LEF1: variants seen among roughly 807,000 people sequenced by gnomAD.
LEF1 encodes the protein lymphoid enhancer-binding factor 1.
In LEF1, 14 loss-of-function variants were observed where a neutral mutation model predicts 51.2. The ratio of observed to expected loss-of-function variants is 0.27; its 90% CI spans 0.18 to 0.43. LEF1 has a LOEUF of 0.43. Among genes scored for constraint, LEF1 ranks in the 20% least tolerant of loss-of-function variants. LEF1 has a pLI of 1.00. For synonymous variants in LEF1, 185 were observed against 183.2 expected, an observed-to-expected ratio of 1.01 and a Z score of -0.08; for missense variants, 386 against 512.0, an observed-to-expected ratio of 0.75 and a Z score of 2.37.
At chr4:108,107,869 T>G (rs769437577) in intron 3 of LEF1, among the ~76,000 whole-genome samples, 1 of 151,778 alleles carries the variant, frequency 6.6e-6, no homozygotes, top group African/African-American at 2.4e-5. Flanking sequence ...TACAGGCACA[T>G]AACTCAAAAG....
At chr4:108,061,730 C>T (rs2126263975) in intron 11 of LEF1, among the ~76,000 whole-genome samples, 1 of 152,110 alleles carries the variant, frequency 6.6e-6, no homozygotes, top group South Asian at 2.1e-4. Context: ...TGTCATCAGC[C>T]ATGCTTACAT....
chr4:108,105,663 T>G (rs1741116971), intron 3 of LEF1, among the ~76,000 whole-genome samples: 1 of 152,218 alleles, frequency 6.6e-6, no homozygotes, highest in Non-Finnish European at 1.5e-5. Context: ...AATGAAAATT[T>G]TAAGTCTTCT....
chr4:108,134,481 G>A (rs1183649835), intron 3 of LEF1, among the ~76,000 whole-genome samples: 1 of 152,204 alleles, frequency 6.6e-6, no homozygotes, highest in African/African-American at 2.4e-5. Flanking sequence ...ATAATACAGG[G>A]CACTGGAGGA....
intron 3 of LEF1, among the ~76,000 whole-genome samples, chr4:108,156,133 A>G (rs1049095253): frequency 2.0e-5 from 3 of 152,222 alleles, no homozygotes; most frequent in Non-Finnish European, 4.4e-5. Context: ...TTTCCATCTC[A>G]AGAATCCTTC....
chr4:108,063,328 G>T (rs766529970), intron 11 of LEF1, among the ~76,000 whole-genome samples: 2 of 152,040 alleles, frequency 1.3e-5, no homozygotes, highest in Non-Finnish European at 2.9e-5. Context: ...TAAGCAGGCC[G>T]ATTTGCCACT....
At chr4:108,149,017 T>C (rs920408366) in intron 3 of LEF1, among the ~76,000 whole-genome samples, 11 of 152,202 alleles carry the variant, frequency 7.2e-5, no homozygotes, top group Non-Finnish European at 1.5e-4. Context: ...CAGATCTTAA[T>C]TGTGCAGGAG....
intron 8 of LEF1, chr4:108,071,638 T>C (rs1738479925): frequency 6.6e-6 from 1 of 152,238 alleles, no homozygotes; most frequent in Admixed American, 6.5e-5. Flanking sequence ...CTGCTTTGCA[T>C]ACATCTGCAC....
chr4:108,111,338 T>C (rs2110314886), intron 3 of LEF1, among the ~76,000 whole-genome samples: 1 of 152,288 alleles, frequency 6.6e-6, no homozygotes, highest in East Asian at 1.9e-4. Context: ...GTAGCTAATC[T>C]TTGAAAGCAC....
chr4:108,123,073 C>T (rs1742278539), intron 3 of LEF1, among the ~76,000 whole-genome samples: 1 of 152,110 alleles, frequency 6.6e-6, no homozygotes, highest in Non-Finnish European at 1.5e-5. Flanking sequence ...CTGTAAGTGT[C>T]CATTTCTTTT....
intron 3 of LEF1, among the ~76,000 whole-genome samples, chr4:108,147,519 T>C (rs1744068807): frequency 6.6e-6 from 1 of 152,178 alleles, no homozygotes; most frequent in East Asian, 1.9e-4. Context: ...TTAATCTCCA[T>C]TTTCCTCTAT....
chr4:108,161,874 T>C, intron 3 of LEF1, among the ~76,000 whole-genome samples: 1 of 152,182 alleles, frequency 6.6e-6, no homozygotes, highest in South Asian at 2.1e-4. Context: ...TTATTTGTTA[T>C]TCTGAAAATG....
chr4:108,139,616 G>A lies in LEF1; in HGVS notation c.414+23952C>T, dbSNP rs139005863. On this transcript the variant is annotated intron_variant, in intron 3 of 11. Transcript: ENST00000265165. ...ATTAGCTCAGGAACATGACTCTCTC[G>A]GTAAGGAAAACAAAGAGGAAGCAAA... is the stretch of plus-strand genomic sequence containing the variant. 4.4e-4 allele frequency among the ~76,000 whole-genome samples: 67 copies of A among 152,210 alleles called. No individual in the cohort carries two copies. The East Asian group carries it at 0.011, about 25-fold the overall frequency.
At chr4:108,127,687 C>A (rs1026323826) in intron 3 of LEF1, among the ~76,000 whole-genome samples, 1 of 152,086 alleles carries the variant, frequency 6.6e-6, no homozygotes, top group Non-Finnish European at 1.5e-5. Flanking sequence ...AATAAATTAT[C>A]GTGACTGTAG....
chr4:108,097,938 T>C (rs1432404976), intron 3 of LEF1, among the ~76,000 whole-genome samples: 1 of 152,152 alleles, frequency 6.6e-6, no homozygotes, highest in Non-Finnish European at 1.5e-5. Flanking sequence ...GCTTTCTCTG[T>C]CTACCATCCA....
chr4:108,096,384 G>A (rs920659097), intron 3 of LEF1, among the ~76,000 whole-genome samples: 3 of 152,278 alleles, frequency 2.0e-5, no homozygotes, highest in Non-Finnish European at 2.9e-5. Context: ...GGGGCAGAGC[G>A]AGAATCCAAT....
chr4:108,153,466 G>C (rs759419061), intron 3 of LEF1, among the ~76,000 whole-genome samples: 1 of 152,154 alleles, frequency 6.6e-6, no homozygotes, highest in Non-Finnish European at 1.5e-5. Flanking sequence ...CTTTCCCTCT[G>C]TCTGACTTTG....
intron 11 of LEF1, among the ~76,000 whole-genome samples, chr4:108,051,204 A>G (rs1736966702): frequency 6.6e-6 from 1 of 152,102 alleles, no homozygotes; most frequent in South Asian, 2.1e-4. Context: ...GGCTTCAGAG[A>G]ACCTCTGTAC....
chr4:108,052,609 A>G (rs1737072553), intron 11 of LEF1, among the ~76,000 whole-genome samples: 2 of 152,204 alleles, frequency 1.3e-5, no homozygotes, highest in African/African-American at 4.8e-5. Flanking sequence ...GAAGAGAGGT[A>G]CAGACTTCTA....
chr4:108,093,971 C>T (rs1156735611), intron 3 of LEF1, among the ~76,000 whole-genome samples: 1 of 152,168 alleles, frequency 6.6e-6, no homozygotes, highest in Non-Finnish European at 1.5e-5. Flanking sequence ...ATTATTATCC[C>T]CCTTTTACAG....
Sources: gnomAD v4.1 joint callset for allele counts (sites outside exome capture counted in the v4.1 genomes callset) on GRCh38, gnomAD v4.1.1 for gene constraint, MANE v1.5 for transcripts, NCBI Gene and HGNC (gene_info 2026-07-23, HGNC 2026-07-21) for gene names.